CHUK: variants seen among roughly 807,000 people sequenced by gnomAD.
CHUK encodes inhibitor of nuclear factor kappa-B kinase subunit alpha.
A neutral mutation model predicts 104.8 loss-of-function variants in CHUK; 35 were observed. The ratio of observed to expected loss-of-function variants is 0.33; its 90% CI spans 0.26 to 0.44. The LOEUF (loss-of-function observed/expected upper bound fraction) is 0.44. Among genes scored for constraint, CHUK ranks in the 20% least tolerant of loss-of-function variants. CHUK has a pLI of 1.00. For synonymous variants in CHUK, 276 were observed against 291.9 expected, an observed-to-expected ratio of 0.95 and a Z score of 0.56; for missense variants, 663 against 902.7, an observed-to-expected ratio of 0.73 and a Z score of 3.40.
intron 12 of CHUK, 41 bp downstream of exon 12, chr10:100,205,035 T>G: frequency 6.2e-7 from 1 of 1,606,310 alleles, no homozygotes; most frequent in Non-Finnish European, 8.5e-7. Flanking sequence ...GAGTATATGA[T>G]GCACATTGCA....
Position 100,220,571 on chromosome 10 carries a change from C to A in CHUK, c.474+17G>T. On this transcript the variant is annotated intron_variant, in intron 5 of 20. Coordinates refer to ENST00000370397, the MANE Select transcript of CHUK (RefSeq NM_001278.5). ...TATATTCAATAGGCATGAAACATTA[C>A]TTCAGGTTTCACCTACCTTTCCACC... is the stretch of plus-strand genomic sequence containing the variant. The A allele has an allele frequency of 6.5e-7, 1 of 1,529,610 alleles. No individual in the cohort carries two copies. The allele number at this position is 1,529,610 out of a possible 1,614,324, so 94.8% of individuals were successfully genotyped here. A position where few individuals can be genotyped will look rare whatever the true frequency, so the allele number is the denominator to read the frequency against.
chr10:100,212,305 T>C (rs1845747822), intron 9 of CHUK, among the ~76,000 whole-genome samples: 1 of 152,188 alleles, frequency 6.6e-6, no homozygotes, highest in Non-Finnish European at 1.5e-5. Flanking sequence ...CTAACGCTTA[T>C]CTTTTTTCTT....
chr10:100,203,953 G>C (rs1845528828), intron 13 of CHUK, among the ~76,000 whole-genome samples: 1 of 152,186 alleles, frequency 6.6e-6, no homozygotes, highest in Non-Finnish European at 1.5e-5. Context: ...GGAAGTCCAA[G>C]AACAAGGCAG....
chr10:100,215,136 G>A (rs1845822644), intron 9 of CHUK, among the ~76,000 whole-genome samples: 1 of 149,110 alleles, frequency 6.7e-6, no homozygotes, highest in South Asian at 2.1e-4. Flanking sequence ...TCGGGAGGCT[G>A]AGGCACGAGA....
chr10:100,193,800 A>C (rs1845260432), intron 18 of CHUK, 184 bp downstream of exon 18: 1 of 644,138 alleles, frequency 1.6e-6, no homozygotes, highest in East Asian at 2.7e-5. Context: ...ATTGGAAAGG[A>C]GAGATGATAA....
chr10:100,212,920 C>T (rs1019934370), intron 9 of CHUK, among the ~76,000 whole-genome samples: 3 of 150,236 alleles, frequency 2.0e-5, no homozygotes, highest in East Asian at 2.0e-4. Flanking sequence ...GCAGGAGAAT[C>T]GCCTGAACCT....
At chr10:100,218,596 G>A in intron 8 of CHUK, 122 bp downstream of exon 8, 1 of 738,058 alleles carries the variant, frequency 1.4e-6, no homozygotes, top group Non-Finnish European at 2.4e-6. Flanking sequence ...AAATATAGAA[G>A]GTTTCTACAT....
rs752542336 is a variant in CHUK at position 100,202,127 on chromosome 10, T to G, written c.1530A>C (p.Ala510=). 5.0e-6 allele frequency: 8 copies of G among 1,612,518 alleles called. No individual in the cohort carries two copies. The Admixed American group carries it at 1.0e-4, about 20-fold the overall frequency. The change falls in exon 14 of 21, where the codon GCA becomes GCC. Residue 510 remains alanine (A), a synonymous_variant. Transcript: ENST00000370397. ...YGISSEKMLK[A]WKEMEEKAIH... is the part of the protein sequence containing the mutation. ...TGGCCTTTTCTTCCATTTCTTTCCA[T>G]GCTTTTAGCATTTTTTCTGAAGCTA... is the stretch of plus-strand genomic sequence containing the variant.
chr10:100,216,470 G>A (rs567304009), intron 9 of CHUK, among the ~76,000 whole-genome samples: 31 of 152,254 alleles, frequency 2.0e-4, no homozygotes, highest in African/African-American at 7.2e-4. Flanking sequence ...TTGGGAAGTC[G>A]AGGTAGGAGG....
chr10:100,224,210 G>A (rs756560162), intron 2 of CHUK, among the ~76,000 whole-genome samples: 8 of 152,080 alleles, frequency 5.3e-5, no homozygotes, highest in Non-Finnish European at 8.8e-5. Context: ...CCCACATGGC[G>A]AAGAACTGAT....
At chr10:100,214,122 G>A (rs1046894512) in intron 9 of CHUK, among the ~76,000 whole-genome samples, 1 of 152,080 alleles carries the variant, frequency 6.6e-6, no homozygotes, top group Non-Finnish European at 1.5e-5. Context: ...CTTTTACACA[G>A]GATATTAGAG....
At chr10:100,226,602 T>A (rs1187877298) in intron 1 of CHUK, among the ~76,000 whole-genome samples, 1 of 152,230 alleles carries the variant, frequency 6.6e-6, no homozygotes, top group Admixed American at 6.5e-5. Flanking sequence ...CAATTCTGAC[T>A]GAAATTAAAC....
In CHUK at chr10:100,190,977, T is replaced by G; in HGVS notation, c.2109-9A>C. The G allele has an allele frequency of 6.5e-7, 1 of 1,537,102 alleles. No homozygotes were observed. Among genetic ancestry groups the G allele is most frequent in the Non-Finnish European group, 9.0e-7 (1 of 1,109,858 alleles). Reference sequence around the variant, plus strand: ...TTTGTGCTGAAGTCTCCCTGTGAGATGAAAGAACAAAGCCTTTTCAAACTC... The same window carrying G: ...TTTGTGCTGAAGTCTCCCTGTGAGAGGAAAGAACAAAGCCTTTTCAAACTC... On this transcript the variant is annotated splice_polypyrimidine_tract_variant and intron_variant, in intron 19 of 20. Transcript: ENST00000370397.
chr10:100,212,836 C>T (rs569771542), intron 9 of CHUK, among the ~76,000 whole-genome samples: 1 of 151,854 alleles, frequency 6.6e-6, no homozygotes, highest in Non-Finnish European at 1.5e-5. Flanking sequence ...GAAACCTTGT[C>T]TCTACTAAAA....
chr10:100,187,319 G>C (rs1405753424), downstream of CHUK: 1 of 152,200 alleles, frequency 6.6e-6, no homozygotes, highest in African/African-American at 2.4e-5. Context: ...GAGGTAAATA[G>C]AATCAATCCG....
At chr10:100,190,508 G>T (rs923064505) in intron 20 of CHUK, 3 of 265,656 alleles carry the variant, frequency 1.1e-5, no homozygotes, top group Non-Finnish European at 1.5e-5. Context: ...TTTTCTATTC[G>T]GGAGGTACCA....
At chr10:100,190,826 C>A (rs1845179277) in intron 20 of CHUK, 43 bp downstream of exon 20, 1 of 1,130,526 alleles carries the variant, frequency 8.8e-7, no homozygotes, top group South Asian at 1.2e-5. Context: ...CCTTTTGCAC[C>A]CAACATAGCC....
chr10:100,215,730 C>T (rs1444968621), intron 9 of CHUK, among the ~76,000 whole-genome samples: 1 of 152,130 alleles, frequency 6.6e-6, no homozygotes, highest in Non-Finnish European at 1.5e-5. Context: ...AAGTGAAAAT[C>T]AAACAGACAT....
intron 1 of CHUK, 45 bp from the exon 2 acceptor site, chr10:100,226,062 T>C (rs1734114016): frequency 8.7e-7 from 1 of 1,143,420 alleles, no homozygotes; most frequent in Non-Finnish European, 1.3e-6. Context: ...TAGGTTCTTG[T>C]GAAGATTTAT....
Sources: allele counts gnomAD v4.1 joint callset (sites outside exome capture counted in the v4.1 genomes callset), GRCh38; gene constraint gnomAD v4.1.1; transcripts MANE v1.5; gene names NCBI Gene and HGNC (gene_info 2026-07-23, HGNC 2026-07-21).